The following HRH1 variants were observed in gnomAD, a reference collection of about 807,000 sequenced individuals.
HRH1 encodes histamine receptor H1, also known as histamine H1 receptor.
Under a neutral mutation model 10.3 loss-of-function variants are expected in HRH1, and 6 were observed. That is an observed-to-expected ratio of 0.58 (90% confidence interval 0.32 to 1.15). The LOEUF is 1.15. Among genes scored for constraint, HRH1 ranks in the 50% most tolerant of loss-of-function variants. The pLI, the probability that HRH1 is intolerant of heterozygous loss-of-function variation, is 0.05. For synonymous variants in HRH1, 242 were observed against 236.7 expected (o/e 1.02, Z -0.21); for missense variants, 514 against 615.3 (o/e 0.84, Z 1.74).
chr3:11,255,241 G>A (rs540114323), intron 1 of HRH1, among the ~76,000 whole-genome samples: 10 of 152,190 alleles, frequency 6.6e-5, no homozygotes, highest in East Asian at 1.9e-4. Flanking sequence ...GTGAAACTCC[G>A]TCTCAAATTA....
chr3:11,177,959 T>C (rs1036587904), intron 1 of HRH1, among the ~76,000 whole-genome samples: 3 of 152,156 alleles, frequency 2.0e-5, no homozygotes, highest in Admixed American at 2.0e-4. Context: ...GTCCAAGAGT[T>C]CCATCGGTGG....
At chr3:11,173,773 C>G (rs1459878300) in intron 1 of HRH1, among the ~76,000 whole-genome samples, 1 of 152,064 alleles carries the variant, frequency 6.6e-6, no homozygotes, top group Non-Finnish European at 1.5e-5. Context: ...AGGAATTCAT[C>G]TTCTGTGGGA....
chr3:11,244,536 A>T (rs1168060686), intron 1 of HRH1, among the ~76,000 whole-genome samples: 2 of 152,312 alleles, frequency 1.3e-5, no homozygotes, highest in Admixed American at 6.5e-5. Flanking sequence ...AGAAAACACA[A>T]CCACTGCTAT....
At chr3:11,229,786 A>T (rs1367024939) in intron 1 of HRH1, among the ~76,000 whole-genome samples, 4 of 152,214 alleles carry the variant, frequency 2.6e-5, no homozygotes, top group Non-Finnish European at 4.4e-5. Flanking sequence ...AAAAAAAATG[A>T]TAACTTGTTT....
chr3:11,151,915 A>G (rs1166936618), upstream of HRH1, among the ~76,000 whole-genome samples: 1 of 152,224 alleles, frequency 6.6e-6, no homozygotes, highest in African/African-American at 2.4e-5. Flanking sequence ...TAAGTGGCAG[A>G]GCAGGTATTT....
At chr3:11,143,865 C>T (rs1028063077) in intron 1 of HRH1, among the ~76,000 whole-genome samples, 42 of 152,154 alleles carry the variant, frequency 2.8e-4, no homozygotes, top group African/African-American at 9.7e-4. Context: ...TTTTAGGTAT[C>T]TTCAAGCTCC....
chr3:11,195,138 G>A (rs1486453271), intron 1 of HRH1, among the ~76,000 whole-genome samples: 1 of 152,158 alleles, frequency 6.6e-6, no homozygotes. Context: ...TGAGAGTGCA[G>A]TTTGGCATCC....
intron 1 of HRH1, among the ~76,000 whole-genome samples, chr3:11,219,714 CAAAAAAAAA>C (rs58875644): frequency 1.3e-5 from 1 of 76,778 alleles, no homozygotes; most frequent in African/African-American, 5.0e-5. Flanking sequence ...GACTTCATCT[CAAAAAAAAA>C]AAAAAAAAAA....
intron 1 of HRH1, among the ~76,000 whole-genome samples, chr3:11,245,540 C>G (rs1165063191): frequency 6.6e-6 from 1 of 152,164 alleles, no homozygotes; most frequent in Non-Finnish European, 1.5e-5. Context: ...GTGTGAGAAG[C>G]TTGGCTCCTT....
intron 1 of HRH1, among the ~76,000 whole-genome samples, chr3:11,251,842 TTATTTTTCTAC>T (rs1939661122): frequency 6.6e-6 from 1 of 152,244 alleles, no homozygotes. Flanking sequence ...CCTCCAAAAG[TTATTTTTCTAC>T]TTTCTTCTGT....
intron 1 of HRH1, among the ~76,000 whole-genome samples, chr3:11,191,674 T>C (rs538904109): frequency 5.4e-4 from 82 of 152,340 alleles, no homozygotes; most frequent in African/African-American, 1.7e-3. Context: ...CAGACTCAGT[T>C]ACTACATCAT....
rs561545160 is a variant in HRH1 at position 11,250,461 on chromosome 3, G to A, written c.-35-8542G>A. On this transcript the variant is annotated intron_variant, in intron 1 of 1. Transcript: ENST00000431010. Reference sequence around the variant, plus strand: ...CTCAACGGTCCGGACTGCTGTCTCAGTTGTGAGGAGCACTAGGTATGGTCC... The same window carrying A: ...CTCAACGGTCCGGACTGCTGTCTCAATTGTGAGGAGCACTAGGTATGGTCC... Among the ~76,000 whole-genome samples, 3 of 152,134 alleles carry A rather than the reference G, an allele frequency of 2.0e-5. No individual in the cohort carries two copies. The South Asian group carries it at 6.2e-4, about 32-fold the overall frequency.
Position 11,250,073 on chromosome 3 carries a change from C to T in HRH1, c.-35-8930C>T, listed in dbSNP as rs549952211. ...TTTTTTTTTTTTTGAGACGGAGTCT[C>T]GCTCTGCCGCCCAGGCTGGAGTGCA... On this transcript the variant is annotated intron_variant, in intron 1 of 1. Coordinates refer to ENST00000431010, the MANE Select transcript of HRH1 (RefSeq NM_001098212.2). 3.1e-3 allele frequency among the ~76,000 whole-genome samples: 370 copies of T among 121,156 alleles called. 1 individual carries two copies. The highest frequency in any genetic ancestry group is 2.5e-3 in the South Asian group (9 of 3,560). The allele number at this position is 121,156 out of a possible 152,430, so 79.5% of individuals were successfully genotyped here.
intron 1 of HRH1, among the ~76,000 whole-genome samples, chr3:11,144,392 T>G (rs1472382578): frequency 6.6e-6 from 1 of 151,020 alleles, no homozygotes; most frequent in African/African-American, 2.4e-5. Flanking sequence ...TATATGTGTA[T>G]ATATACATAT....
intron 1 of HRH1, among the ~76,000 whole-genome samples, chr3:11,139,437 G>A (rs988144147): frequency 1.3e-5 from 2 of 151,914 alleles, no homozygotes; most frequent in Admixed American, 6.6e-5. Context: ...CTGCCACCAC[G>A]CCCAGCTAAT....
intron 1 of HRH1, among the ~76,000 whole-genome samples, chr3:11,186,445 A>T (rs540513848): frequency 4.1e-4 from 62 of 152,298 alleles, no homozygotes; most frequent in Non-Finnish European, 2.2e-4. Context: ...CATAGATATC[A>T]TTATTATTAT....
At chr3:11,235,486 G>A (rs1160312911) in intron 1 of HRH1, among the ~76,000 whole-genome samples, 1 of 151,982 alleles carries the variant, frequency 6.6e-6, no homozygotes, top group African/African-American at 2.4e-5. Context: ...CCTCACTGTT[G>A]CTGAGCAGAT....
intron 1 of HRH1, among the ~76,000 whole-genome samples, chr3:11,218,093 G>A (rs1029166181): frequency 6.6e-6 from 1 of 152,180 alleles, no homozygotes; most frequent in African/African-American, 2.4e-5. Context: ...AGAATTAAAA[G>A]GCAGCAAATT....
intron 1 of HRH1, among the ~76,000 whole-genome samples, chr3:11,181,954 T>G (rs1387267699): frequency 2.0e-5 from 3 of 150,590 alleles, no homozygotes; most frequent in Non-Finnish European, 4.4e-5. Context: ...TTAAATTAAT[T>G]TGTCTTTCCA....
Sources: gnomAD v4.1 joint callset for allele counts (sites outside exome capture counted in the v4.1 genomes callset) on GRCh38, gnomAD v4.1.1 for gene constraint, MANE v1.5 for transcripts, NCBI Gene and HGNC (gene_info 2026-07-23, HGNC 2026-07-21) for gene names.